UTRN: variants seen among roughly 807,000 people sequenced by gnomAD.
UTRN encodes dystrophin-related protein 1.
A neutral mutation model predicts 463.9 loss-of-function variants in UTRN; 283 were observed. That is an observed-to-expected ratio of 0.61 (90% CI 0.55 to 0.67). The LOEUF is 0.67. UTRN is among the 30% of genes least tolerant of loss of function. The pLI is 0.00. For missense variants in UTRN, 3,922 were observed against 4,084.3 expected (o/e 0.96, Z 1.08); for synonymous variants, 1,442 against 1,431.5 (o/e 1.01, Z -0.17).
intron 14 of UTRN, 103 bp from the exon 15 acceptor site, chr6:144,447,108 G>A (rs1009360162): frequency 9.6e-7 from 1 of 1,038,078 alleles, no homozygotes; most frequent in East Asian, 2.6e-5. Context: ...CCATGTAAGG[G>A]TGAAGCCTCT....
At chr6:144,477,729 A>G (rs868125178) in intron 25 of UTRN, among the ~76,000 whole-genome samples, 2 of 152,312 alleles carry the variant, frequency 1.3e-5, no homozygotes, top group Middle Eastern at 6.8e-3. Flanking sequence ...CTCATCTCTT[A>G]TCCTAGCTAA....
In UTRN at chr6:144,444,265, T is replaced by C. The variant is rs749080333; in HGVS notation, c.1513-16T>C. The C allele has an allele frequency of 6.3e-7, 1 of 1,599,742 alleles. No homozygotes were observed. Among genetic ancestry groups the C allele is most frequent in the Non-Finnish European group, 8.5e-7 (1 of 1,170,282 alleles). On this transcript the variant is annotated splice_polypyrimidine_tract_variant and intron_variant, in intron 13 of 74. Coordinates refer to ENST00000367545, the MANE Select transcript of UTRN (RefSeq NM_007124.3). ...TTAAGGCTGTGTTGACAAAGGATGG[T>C]TTCTCCTTTTTCTAGAAACTTGGTG...
intron 2 of UTRN, among the ~76,000 whole-genome samples, chr6:144,370,945 G>A (rs1250163143): frequency 6.6e-6 from 1 of 152,196 alleles, no homozygotes; most frequent in Non-Finnish European, 1.5e-5. Flanking sequence ...TCCATGGGAT[G>A]TTTCTGTCCT....
At chr6:144,733,403 G>A (rs532805179) in intron 54 of UTRN, among the ~76,000 whole-genome samples, 1 of 151,716 alleles carries the variant, frequency 6.6e-6, no homozygotes, top group African/African-American at 2.4e-5. Flanking sequence ...TGCAGTCCCA[G>A]CTACTCAGGA....
intron 51 of UTRN, among the ~76,000 whole-genome samples, chr6:144,656,842 C>T (rs1779360137): frequency 6.6e-6 from 1 of 152,072 alleles, no homozygotes; most frequent in African/African-American, 2.4e-5. Context: ...AGTATAGTTA[C>T]CCTGTGATTA....
chr6:144,824,609 TATATC>T (rs1562955103), intron 66 of UTRN, among the ~76,000 whole-genome samples: 1,325 of 45,902 alleles, frequency 0.029, 24 homozygotes, highest in Non-Finnish European at 0.034. Flanking sequence ...TATATATATA[TATATC>T]TTTTTTTTTT....
rs1019220573 is a variant in UTRN, at chr6:144,665,415, T to C, written c.7480-12991T>C. 2.6e-5 allele frequency among the ~76,000 whole-genome samples: 4 copies of C among 152,336 alleles called. No individual in the cohort carries two copies. In the East Asian group the frequency reaches 5.8e-4, roughly 22 times the overall value. ...ATCACATAATTTGTTTATAATGTTT[T>C]ATAATCAAGCTACTACTTGTAGCTT... On this transcript the variant is annotated intron_variant, in intron 51 of 74. Transcript: ENST00000367545.
At chr6:144,798,111 T>A in intron 64 of UTRN, 121 bp downstream of exon 64, 8 of 1,300,734 alleles carry the variant, frequency 6.2e-6, no homozygotes, top group Non-Finnish European at 8.5e-6. Flanking sequence ...ATAAATGGTA[T>A]GTTCAGTATG....
chr6:144,356,883 A>ATGTG (rs35404291), intron 2 of UTRN, among the ~76,000 whole-genome samples: 1 of 151,456 alleles, frequency 6.6e-6, no homozygotes, highest in African/African-American at 2.4e-5. Context: ...ATATATACAT[A>ATGTG]TGTGTGTGTA....
At chr6:144,295,380 T>A (rs1804586293) in intron 2 of UTRN, among the ~76,000 whole-genome samples, 1 of 152,154 alleles carries the variant, frequency 6.6e-6, no homozygotes, top group African/African-American at 2.4e-5. Context: ...GTAGAAAGAG[T>A]AGACCTCAGG....
At chr6:144,791,446 C>T (rs747228441) in intron 62 of UTRN, among the ~76,000 whole-genome samples, 9 of 152,054 alleles carry the variant, frequency 5.9e-5, no homozygotes, top group Non-Finnish European at 1.2e-4. Flanking sequence ...GTGGTTCATG[C>T]CTGTAGTCCT....
intron 2 of UTRN, among the ~76,000 whole-genome samples, chr6:144,353,592 T>C (rs1778303717): frequency 6.6e-6 from 1 of 152,178 alleles, no homozygotes; most frequent in African/African-American, 2.4e-5. Flanking sequence ...TGCTCATGTT[T>C]CTGTCAGCTT....
Position 144,462,487 on chromosome 6 carries a change from T to G in UTRN, c.2854-167T>G, listed in dbSNP as rs145577836. On this transcript the variant is annotated intron_variant, in intron 22 of 74. Transcript: ENST00000367545. ...AGGTCTTTGAGGAATCACCACACTG[T>G]CTTCCACAGTGGTTGAACTAATTCA... Among the ~76,000 whole-genome samples the G allele has an allele frequency of 6.7e-3, 1,017 of 152,350 alleles. 9 individuals are homozygous for G. Among genetic ancestry groups the G allele is most frequent in the African/African-American group, 0.023 (964 of 41,590 alleles).
At chr6:144,315,733 C>T (rs922484586) in intron 2 of UTRN, among the ~76,000 whole-genome samples, 2 of 152,136 alleles carry the variant, frequency 1.3e-5, no homozygotes, top group Non-Finnish European at 2.9e-5. Context: ...CGTCGTTTTT[C>T]ACCTTGGCCT....
At chr6:144,482,127 C>G in intron 26 of UTRN, 82 bp from the exon 27 acceptor site, 1 of 1,290,636 alleles carries the variant, frequency 7.7e-7, no homozygotes, top group Non-Finnish European at 1.0e-6. Context: ...TGGTTTAATT[C>G]TTGAAAAAAA....
At chr6:144,732,277 T>TC (rs1788740172) in intron 54 of UTRN, among the ~76,000 whole-genome samples, 1 of 88,744 alleles carries the variant, frequency 1.1e-5, no homozygotes, top group Non-Finnish European at 2.1e-5. Flanking sequence ...TATATATATA[T>TC]ACACACATAT....
chr6:144,385,774 T>C (rs914319274), intron 2 of UTRN, among the ~76,000 whole-genome samples: 3 of 151,834 alleles, frequency 2.0e-5, no homozygotes, highest in African/African-American at 7.3e-5. Context: ...AGAGGTGCGA[T>C]CTCGGCTCAG....
rs1777847886 is a variant in UTRN at position 144,803,163 on chromosome 6, C to T, written c.9357+16C>T. ...TTGTATACCTGTGAGTACTAACCCA[C>T]TGTTTTGTTTTTAATACATTGCCAT... On this transcript the variant is annotated intron_variant, in intron 65 of 74. Coordinates refer to ENST00000367545, the MANE Select transcript of UTRN (RefSeq NM_007124.3). 1.4e-6 allele frequency: 2 copies of T among 1,444,094 alleles called. No homozygotes were observed. Among genetic ancestry groups the T allele is most frequent in the Non-Finnish European group, 1.8e-6 (2 of 1,089,288 alleles). The allele number at this position is 1,444,094 out of a possible 1,614,324, so 89.5% of individuals were successfully genotyped here. A position where few individuals can be genotyped will look rare whatever the true frequency, so the allele number is the denominator to read the frequency against.
intron 1 of UTRN, among the ~76,000 whole-genome samples, chr6:144,288,396 G>A (rs977927417): frequency 6.6e-6 from 1 of 152,222 alleles, no homozygotes; most frequent in African/African-American, 2.4e-5. Context: ...TAGCATAGAA[G>A]TGGAGATCTT....
Sources: allele counts gnomAD v4.1 joint callset (sites outside exome capture counted in the v4.1 genomes callset), GRCh38; gene constraint gnomAD v4.1.1; transcripts MANE v1.5; gene names NCBI Gene and HGNC (gene_info 2026-07-23, HGNC 2026-07-21).